ARHGAP24: variants seen among roughly 807,000 people sequenced by gnomAD.
ARHGAP24 encodes rho GTPase-activating protein 24.
A neutral mutation model predicts 76.4 loss-of-function variants in ARHGAP24; 50 were observed. The observed-to-expected ratio is 0.65, with a 90% confidence interval of 0.52 to 0.83. The LOEUF is 0.83. ARHGAP24 is among the 40% of genes least tolerant of loss of function. The pLI, the probability that ARHGAP24 is intolerant of heterozygous loss-of-function variation, is 0.00. For synonymous variants in ARHGAP24, 345 were observed against 323.3 expected, an observed-to-expected ratio of 1.07 and a Z score of -0.72; for missense variants, 930 against 914.2, an observed-to-expected ratio of 1.02 and a Z score of -0.22.
intron 4 of ARHGAP24, 118 bp from the exon 5 acceptor site, chr4:85,941,948 T>C: frequency 1.0e-6 from 1 of 990,672 alleles, no homozygotes; most frequent in Non-Finnish European, 1.6e-6. Flanking sequence ...ATACTGAATG[T>C]TAAGTGCTTG....
chr4:85,924,916 T>C (rs1735932954), intron 4 of ARHGAP24, among the ~76,000 whole-genome samples: 1 of 152,228 alleles, frequency 6.6e-6, no homozygotes, highest in South Asian at 2.1e-4. Context: ...TTTACAACTT[T>C]TGTCCCAGGC....
At chr4:85,975,209 A>G (rs1040858700) in intron 7 of ARHGAP24, among the ~76,000 whole-genome samples, 11 of 152,210 alleles carry the variant, frequency 7.2e-5, no homozygotes, top group African/African-American at 1.2e-4. Context: ...TTGAACTTCA[A>G]TCAAGTTTTT....
At chr4:85,631,671 A>G (rs1252951405) in intron 2 of ARHGAP24, among the ~76,000 whole-genome samples, 2 of 152,196 alleles carry the variant, frequency 1.3e-5, no homozygotes, top group East Asian at 3.9e-4. Context: ...CAAAATTATT[A>G]CTCAATTTAC....
At chr4:85,809,577 T>C (rs143479583) in intron 3 of ARHGAP24, among the ~76,000 whole-genome samples, 93 of 152,332 alleles carry the variant, frequency 6.1e-4, no homozygotes, top group African/African-American at 2.0e-3. Flanking sequence ...TTTTCAGATA[T>C]AGAACCTACT....
intron 4 of ARHGAP24, among the ~76,000 whole-genome samples, chr4:85,931,918 G>A (rs946972272): frequency 4.0e-5 from 6 of 151,858 alleles, no homozygotes; most frequent in Non-Finnish European, 7.4e-5. Flanking sequence ...GACATCTAGG[G>A]TTGTTTTTTC....
At chr4:85,937,350 TA>T (rs1304951813) in intron 4 of ARHGAP24, among the ~76,000 whole-genome samples, 1 of 152,134 alleles carries the variant, frequency 6.6e-6, no homozygotes, top group Non-Finnish European at 1.5e-5. Context: ...GAACAGGTTT[TA>T]AAAAAGAGAT....
intron 1 of ARHGAP24, among the ~76,000 whole-genome samples, chr4:85,545,030 T>A (rs548397477): frequency 6.6e-6 from 1 of 152,212 alleles, no homozygotes; most frequent in Admixed American, 6.5e-5. Context: ...CATGCTATCA[T>A]GAAATTCTTA....
intron 3 of ARHGAP24, among the ~76,000 whole-genome samples, chr4:85,749,847 G>A (rs376853888): frequency 3.3e-5 from 5 of 152,098 alleles, no homozygotes; most frequent in Non-Finnish European, 7.4e-5. Flanking sequence ...GATTACAGGC[G>A]TGAGCCACCG....
At chr4:85,830,260 G>A (rs1289121604) in intron 3 of ARHGAP24, among the ~76,000 whole-genome samples, 1 of 152,048 alleles carries the variant, frequency 6.6e-6, no homozygotes, top group East Asian at 1.9e-4. Context: ...GTATCCCTTG[G>A]GACCAGGGAA....
intron 3 of ARHGAP24, among the ~76,000 whole-genome samples, chr4:85,894,510 A>G (rs17410455): frequency 0.16 from 24,582 of 152,240 alleles, 2,097 homozygotes; most frequent in South Asian, 0.3. Context: ...CATCCAGATC[A>G]GACAAGATTG....
At chr4:85,701,609 C>T (rs1266611873) in intron 2 of ARHGAP24, among the ~76,000 whole-genome samples, 2 of 152,084 alleles carry the variant, frequency 1.3e-5, no homozygotes, top group Non-Finnish European at 2.9e-5. Flanking sequence ...TTTGGGACAG[C>T]TGTCACAAAT....
At chr4:85,501,983 C>A (rs1291567240) in intron 1 of ARHGAP24, among the ~76,000 whole-genome samples, 1 of 152,110 alleles carries the variant, frequency 6.6e-6, no homozygotes, top group East Asian at 1.9e-4. Context: ...ATAGGGAATC[C>A]TTTCCCCATT....
intron 5 of ARHGAP24, among the ~76,000 whole-genome samples, chr4:85,945,759 CAAAA>C (rs35877734): frequency 1.6e-5 from 1 of 62,478 alleles, no homozygotes. Flanking sequence ...GACTCAGCCT[CAAAA>C]AAAAAAAAAA....
chr4:85,880,543 G>A (rs866061778), intron 3 of ARHGAP24, among the ~76,000 whole-genome samples: 1 of 144,202 alleles, frequency 6.9e-6, no homozygotes, highest in South Asian at 2.3e-4. Context: ...GTGTGTGTGT[G>A]TGTGTGACGG....
intron 3 of ARHGAP24, among the ~76,000 whole-genome samples, chr4:85,731,872 T>A (rs1360215911): frequency 6.6e-6 from 1 of 152,220 alleles, no homozygotes; most frequent in African/African-American, 2.4e-5. Flanking sequence ...TATGTACAAT[T>A]ATTATGTGTC....
At chr4:85,820,471 C>A (rs955812098) in intron 3 of ARHGAP24, among the ~76,000 whole-genome samples, 1 of 152,054 alleles carries the variant, frequency 6.6e-6, no homozygotes, top group Non-Finnish European at 1.5e-5. Flanking sequence ...ACAACAGACA[C>A]TAGGCCCTAC....
Position 85,977,705 on chromosome 4 carries a change from T to C in ARHGAP24, c.928+14T>C. The C allele has an allele frequency of 1.9e-6, 3 of 1,612,896 alleles. No individual in the cohort carries two copies. The highest frequency in any genetic ancestry group is 2.7e-5 in the African/African-American group (2 of 75,004). On this transcript the variant is annotated intron_variant, in intron 8 of 9. Transcript: ENST00000395184. ...CTATCATGGAGGGTAAGTAAATGAT[T>C]ATCTTATACCCTTATCAAAAGAAGA...
At chr4:85,879,249 A>G (rs1317765583) in intron 3 of ARHGAP24, among the ~76,000 whole-genome samples, 8 of 152,208 alleles carry the variant, frequency 5.3e-5, no homozygotes, top group Non-Finnish European at 1.2e-4. Flanking sequence ...TATTACATGA[A>G]TAATGGAAAT....
intron 3 of ARHGAP24, among the ~76,000 whole-genome samples, chr4:85,763,336 G>A (rs6812584): frequency 0.96 from 145,678 of 152,226 alleles, 70,052 homozygotes; most frequent in East Asian, 1. Context: ...TGCCTGGGGC[G>A]CTTACATAAA....
Sources: gnomAD v4.1 joint callset for allele counts (sites outside exome capture counted in the v4.1 genomes callset) on GRCh38, gnomAD v4.1.1 for gene constraint, MANE v1.5 for transcripts, NCBI Gene and HGNC (gene_info 2026-07-23, HGNC 2026-07-21) for gene names.